TRIM8: variants seen among roughly 807,000 people sequenced by gnomAD.
TRIM8 encodes the protein E3 ubiquitin-protein ligase TRIM8.
In TRIM8, 9 loss-of-function variants were observed where a neutral mutation model predicts 55.7. The observed-to-expected ratio is 0.16, with a 90% confidence interval of 0.10 to 0.28. TRIM8 has a LOEUF of 0.28. TRIM8 is among the 10% of genes least tolerant of loss of function. TRIM8 has a pLI of 1.00. For synonymous variants in TRIM8, 335 were observed against 333.3 expected (o/e 1.01, Z -0.06); for missense variants, 556 against 736.4 (o/e 0.76, Z 2.83).
chr10:102,656,636 T>A lies in TRIM8; in HGVS notation c.1049-111T>A, dbSNP rs2064027303. ...AGAGGAGCAAGCATCACCTGAGATG[T>A]AACATTCTTGGGCCTCTAGGTGTCA... On this transcript the variant is annotated intron_variant, in intron 5 of 5. Coordinates refer to ENST00000643721, the MANE Select transcript of TRIM8 (RefSeq NM_030912.3). This position sits in a 1 kb window ranked among gnomAD's most constrained non-coding sequence, Gnocchi z 4.6. 1.4e-6 allele frequency: 2 copies of A among 1,467,016 alleles called. No homozygotes were observed. Among genetic ancestry groups the A allele is most frequent in the East Asian group, 4.6e-5 (2 of 43,402 alleles). The allele number at this position is 1,467,016 out of a possible 1,614,324, so 90.9% of individuals were successfully genotyped here.
At position 102,655,330 on chromosome 10, in the gene TRIM8, A is replaced by AC; in HGVS notation, c.900+19dup. 6.3e-7 allele frequency: 1 copy of AC among 1,585,770 alleles called. No homozygotes were observed. The highest frequency in any genetic ancestry group is 8.5e-7 in the Non-Finnish European group (1 of 1,169,854). On this transcript the variant is annotated intron_variant, in intron 3 of 5. Transcript: ENST00000643721. The stretch of plus-strand genomic sequence containing the variant: ...TTCATGAAGGTGGGCTGGGCTCAGG[A>AC]CCAGGCTGGTGGCACCCAGAGGGCC...
At chr10:102,648,890 G>A (rs1038521476) in intron 1 of TRIM8, among the ~76,000 whole-genome samples, 18 of 152,316 alleles carry the variant, frequency 1.2e-4, no homozygotes, top group Non-Finnish European at 2.2e-4. Flanking sequence ...TCCGTTGCCC[G>A]TGAAAGGGAG....
intron 2 of TRIM8, 29 bp from the exon 3 acceptor site, chr10:102,655,051 C>G: frequency 1.2e-6 from 2 of 1,609,362 alleles, no homozygotes; most frequent in Non-Finnish European, 1.7e-6. Context: ...GCTTACCTGC[C>G]TGCCCACTCC....
rs999540144 is a variant in TRIM8, at chr10:102,656,428, G to A, written c.1048+43G>A. On this transcript the variant is annotated intron_variant, in intron 5 of 5. Transcript: ENST00000643721. This position sits in a 1 kb window ranked among gnomAD's most constrained non-coding sequence, Gnocchi z 4.6. ...CGCCGAAGGGAGACAGGGACCTTTG[G>A]GGAGGGGTTCAGCGCCACAGCCTTC... The A allele has an allele frequency of 6.3e-7, 1 of 1,579,306 alleles. No individual in the cohort carries two copies.
rs539693141 is a variant in TRIM8 at position 102,651,270 on chromosome 10, G to A, written c.571-3383G>A. On this transcript the variant is annotated intron_variant, in intron 1 of 5. Transcript: ENST00000643721. ...GACAGAAGCTTGGGAAGACCCTGCC[G>A]GCTCCCAGGGTAGAAGTGCTGTCAG... Among the ~76,000 whole-genome samples the A allele has an allele frequency of 2.4e-4, 37 of 152,334 alleles. No individual in the cohort carries two copies. In the South Asian group the frequency reaches 2.7e-3, roughly 11 times the overall value.
At chr10:102,651,391 G>A (rs1417561523) in intron 1 of TRIM8, among the ~76,000 whole-genome samples, 2 of 152,190 alleles carry the variant, frequency 1.3e-5, no homozygotes, top group African/African-American at 4.8e-5. Flanking sequence ...TGCCCTGAGG[G>A]GTCACTCCCT....
At chr10:102,651,892 C>T (rs956716348) in intron 1 of TRIM8, among the ~76,000 whole-genome samples, 12 of 152,332 alleles carry the variant, frequency 7.9e-5, no homozygotes, top group African/African-American at 2.6e-4. Context: ...AGTGCCTTTG[C>T]ACCTCTGGCT....
chr10:102,651,966 C>T (rs941022931), intron 1 of TRIM8, among the ~76,000 whole-genome samples: 2 of 152,194 alleles, frequency 1.3e-5, no homozygotes, highest in Non-Finnish European at 2.9e-5. Context: ...CATGTGCGTG[C>T]GCAGCTTTGT....
intron 1 of TRIM8, among the ~76,000 whole-genome samples, chr10:102,651,938 C>T (rs2063988800): frequency 6.6e-6 from 1 of 152,216 alleles, no homozygotes; most frequent in African/African-American, 2.4e-5. Flanking sequence ...GCTCGGGGCT[C>T]AGGTGGCAAG....
chr10:102,647,001 G>A (rs2063941601), intron 1 of TRIM8, among the ~76,000 whole-genome samples: 1 of 152,228 alleles, frequency 6.6e-6, no homozygotes, highest in East Asian at 1.9e-4. Context: ...TGGTGTAGGA[G>A]GATAGCTTTA....
At chr10:102,651,060 C>T (rs950843249) in intron 1 of TRIM8, among the ~76,000 whole-genome samples, 5 of 152,118 alleles carry the variant, frequency 3.3e-5, no homozygotes, top group African/African-American at 7.2e-5. Context: ...ACCAGTGCAG[C>T]CCCCCGGACT....
At chr10:102,650,460 G>C (rs549766354) in intron 1 of TRIM8, among the ~76,000 whole-genome samples, 2 of 152,198 alleles carry the variant, frequency 1.3e-5, no homozygotes, top group African/African-American at 2.4e-5. Context: ...CCAAAGGCCT[G>C]AGGCCCGACA....
At chr10:102,646,420 C>A (rs2063935832) in intron 1 of TRIM8, among the ~76,000 whole-genome samples, 1 of 152,154 alleles carries the variant, frequency 6.6e-6, no homozygotes. Flanking sequence ...AAGCTCTGTT[C>A]AGGGCATGAT....
rs1192103193 is a variant in TRIM8, at chr10:102,657,780, C to CCTCTTGTTTT, written c.*428_*437dup. On this transcript the variant is annotated 3_prime_UTR_variant, in exon 6 of 6. Coordinates refer to ENST00000643721, the MANE Select transcript of TRIM8 (RefSeq NM_030912.3). ...CGCCCAGGGCCCCGGGCTTGTTTCTCCTCTTGTTTTCCTTTTGGGCAGTTT... is the reference window on the plus strand; with the variant it reads ...CGCCCAGGGCCCCGGGCTTGTTTCTCCTCTTGTTTTCTCTTGTTTTCCTTTTGGGCAGTTT... 1 of 164,044 alleles carries CCTCTTGTTTT rather than the reference C, an allele frequency of 6.1e-6. No homozygotes were observed. Among genetic ancestry groups the CCTCTTGTTTT allele is most frequent in the Non-Finnish European group, 1.3e-5 (1 of 76,138 alleles). 10.2% of individuals were successfully genotyped at this position (164,044 alleles called of 1,614,324 possible).
At chr10:102,654,981 G>A in intron 2 of TRIM8, 99 bp from the exon 3 acceptor site, 1 of 1,390,540 alleles carries the variant, frequency 7.2e-7, no homozygotes, top group Non-Finnish European at 1.0e-6. Flanking sequence ...GGGCAGCCTG[G>A]TGACTTAGGG....
chr10:102,654,601 T>G (rs2064008994), intron 1 of TRIM8, 52 bp from the exon 2 acceptor site: 2 of 1,387,752 alleles, frequency 1.4e-6, no homozygotes, highest in Non-Finnish European at 2.1e-6. Flanking sequence ...GAAGCATGGG[T>G]CAGGGTTGGA....
rs139060152 is a variant in TRIM8 at position 102,654,391 on chromosome 10, C to T, written c.571-262C>T. 4.8e-3 allele frequency: 1,660 copies of T among 342,660 alleles called. 22 individuals are homozygous for T. The highest frequency in any genetic ancestry group is 0.032 in the African/African-American group (1,526 of 47,740). The allele number at this position is 342,660 out of a possible 1,614,324, so 21.2% of individuals were successfully genotyped here. A position where few individuals can be genotyped will look rare whatever the true frequency, so the allele number is the denominator to read the frequency against. On this transcript the variant is annotated intron_variant, in intron 1 of 5. Coordinates refer to ENST00000643721, the MANE Select transcript of TRIM8 (RefSeq NM_030912.3). ...GGCGGAGGTTACAGTGAGCCGAGAT[C>T]GCACCACTGCACTCCAGCCTGGGCA...
At chr10:102,646,223 G>A (rs956741134) in intron 1 of TRIM8, among the ~76,000 whole-genome samples, 1 of 152,206 alleles carries the variant, frequency 6.6e-6, no homozygotes, top group East Asian at 1.9e-4. Flanking sequence ...CTGGCTTTCA[G>A]GGTTGAGTCA....
intron 1 of TRIM8, among the ~76,000 whole-genome samples, chr10:102,648,515 C>A (rs12241712): frequency 0.31 from 47,331 of 151,966 alleles, 7,789 homozygotes; most frequent in African/African-American, 0.38. Context: ...GGGAGGAGAT[C>A]CCACTGCTTG....
Sources: gnomAD v4.1 joint callset for allele counts (sites outside exome capture counted in the v4.1 genomes callset) on GRCh38, gnomAD v4.1.1 for gene constraint, Gnocchi (gnomAD v3.1) non-coding constraint, MANE v1.5 for transcripts, NCBI Gene and HGNC (gene_info 2026-07-23, HGNC 2026-07-21) for gene names.